Variants in PFKFB3 observed in about 807,000 individuals in gnomAD.
PFKFB3 encodes 6-phosphofructo-2-kinase/fructose-2,6-biphosphatase 3.
In PFKFB3, 33 loss-of-function variants were observed where a neutral mutation model predicts 68.0. The observed-to-expected ratio is 0.49, with a 90% CI of 0.37 to 0.65. The LOEUF (loss-of-function observed/expected upper bound fraction) is 0.65. Ranked by LOEUF, PFKFB3 falls within the 30% of genes least tolerant of loss-of-function variation. The pLI is 0.00. For missense variants in PFKFB3, 586 were observed against 712.2 expected, an observed-to-expected ratio of 0.82 and a Z score of 2.02; for synonymous variants, 315 against 288.2, an observed-to-expected ratio of 1.09 and a Z score of -0.94.
chr10:6,297,625 G>A, the PFKFB3 span, among the ~76,000 whole-genome samples: 1 of 152,336 alleles, frequency 6.6e-6, no homozygotes, highest in East Asian at 1.9e-4. Context: ...TGAGGGGTAC[G>A]TGGAGGACGT....
In PFKFB3 at chr10:6,220,200, C is replaced by T. The variant is rs550073457; in HGVS notation, c.624-458C>T. Among the ~76,000 whole-genome samples, 2 of 147,704 alleles carry T rather than the reference C, an allele frequency of 1.4e-5. No homozygotes were observed. Among genetic ancestry groups the T allele is most frequent in the South Asian group, 4.2e-4 (2 of 4,766 alleles). ...CACTGCAGGTTCAAACTTCTGGGCT[C>T]AAGTAATCCTACCGCCTCAGCCTCA... On this transcript the variant is annotated intron_variant, in intron 7 of 14. Transcript: ENST00000379775. This position sits in a 1 kb window ranked among gnomAD's most constrained non-coding sequence, Gnocchi z 4.1.
downstream of PFKFB3, among the ~76,000 whole-genome samples, chr10:6,240,485 G>A (rs1198056490): frequency 6.6e-6 from 1 of 151,970 alleles, no homozygotes; most frequent in Admixed American, 6.6e-5. Context: ...GGCTGATCTC[G>A]AACTCCAACC....
chr10:6,206,397 G>C (rs7921003), intron 1 of PFKFB3, among the ~76,000 whole-genome samples: 20,040 of 101,616 alleles, frequency 0.2, 2,634 homozygotes, highest in Non-Finnish European at 0.26. Flanking sequence ...ATCTTTCCCC[G>C]CCCCTTTCCC....
At chr10:6,161,849 G>A (rs1319710367) in intron 1 of PFKFB3, among the ~76,000 whole-genome samples, 4 of 152,050 alleles carry the variant, frequency 2.6e-5, no homozygotes, top group Admixed American at 2.0e-4. Context: ...TGTTGCCCAG[G>A]GTGGCCTTTA....
At chr10:6,286,676 C>G in the PFKFB3 span, among the ~76,000 whole-genome samples, 2 of 152,350 alleles carry the variant, frequency 1.3e-5, no homozygotes, top group South Asian at 2.1e-4. Context: ...CTGTGCCCAG[C>G]CAGTCTTTGC....
intron 1 of PFKFB3, among the ~76,000 whole-genome samples, chr10:6,150,382 G>A (rs1373367870): frequency 1.3e-5 from 2 of 152,106 alleles, no homozygotes; most frequent in African/African-American, 2.4e-5. Flanking sequence ...CACGTTGGAC[G>A]GCTGAGTAAG....
intron 1 of PFKFB3, among the ~76,000 whole-genome samples, chr10:6,174,537 G>C (rs770556910): frequency 2.0e-5 from 3 of 152,248 alleles, no homozygotes; most frequent in Non-Finnish European, 2.9e-5. Flanking sequence ...CCCCCGCCGA[G>C]AAAGCCAGGA....
the PFKFB3 span, among the ~76,000 whole-genome samples, chr10:6,324,567 C>T: frequency 3.1e-4 from 47 of 152,208 alleles, no homozygotes; most frequent in Non-Finnish European, 3.7e-4. Context: ...GCTGGGATTA[C>T]AGGCACCCGC....
chr10:6,305,413 T>TC, the PFKFB3 span, among the ~76,000 whole-genome samples: 4 of 152,010 alleles, frequency 2.6e-5, no homozygotes, highest in South Asian at 8.3e-4. Flanking sequence ...ACTCCTGAGC[T>TC]CAAGCTATCC....
At chr10:6,322,505 T>C in the PFKFB3 span, among the ~76,000 whole-genome samples, 1 of 152,164 alleles carries the variant, frequency 6.6e-6, no homozygotes, top group Non-Finnish European at 1.5e-5. Context: ...TCAATCACAT[T>C]ATCTCACTTC....
the PFKFB3 span, among the ~76,000 whole-genome samples, chr10:6,263,985 C>T: frequency 2.6e-5 from 4 of 152,244 alleles, no homozygotes; most frequent in Non-Finnish European, 5.9e-5. Flanking sequence ...TGTGTCCAGC[C>T]ACGGTTATCT....
At chr10:6,164,383 A>G (rs1038542190) in intron 1 of PFKFB3, among the ~76,000 whole-genome samples, 15 of 152,180 alleles carry the variant, frequency 9.9e-5, no homozygotes, top group African/African-American at 1.4e-4. Flanking sequence ...AGGGTCAGGA[A>G]ATAAGTCACA....
intron 1 of PFKFB3, among the ~76,000 whole-genome samples, chr10:6,206,536 GA>G (rs1843712719): frequency 8.2e-6 from 1 of 121,928 alleles, no homozygotes; most frequent in Non-Finnish European, 1.6e-5. Context: ...CGGCCGGGCA[GA>G]GGCGCCCCTC....
At chr10:6,261,008 G>C in the PFKFB3 span, among the ~76,000 whole-genome samples, 22 of 152,200 alleles carry the variant, frequency 1.4e-4, no homozygotes, top group Non-Finnish European at 1.5e-5. Flanking sequence ...CTTCCCACCT[G>C]TAGTGGACAG....
At chr10:6,216,441 ACACTGTCC>A (rs922497746) in intron 4 of PFKFB3, among the ~76,000 whole-genome samples, 102 of 152,306 alleles carry the variant, frequency 6.7e-4, no homozygotes, top group African/African-American at 2.4e-3. Flanking sequence ...CCTTCCTTGT[ACACTGTCC>A]CATTGCACAT....
intron 1 of PFKFB3, chr10:6,197,569 G>A (rs11592813): frequency 0.098 from 14,875 of 151,896 alleles, 1,421 homozygotes; most frequent in African/African-American, 0.24. Context: ...CAATAAATTA[G>A]GACATCTTAA....
At chr10:6,224,358 C>T in intron 13 of PFKFB3, 145 bp downstream of exon 13, 1 of 686,484 alleles carries the variant, frequency 1.5e-6, no homozygotes, top group South Asian at 1.7e-5. Flanking sequence ...TTCCTCAGCA[C>T]CTCTTTGTTC....
chr10:6,214,101 A>C (rs965935673), intron 2 of PFKFB3, among the ~76,000 whole-genome samples: 5 of 152,170 alleles, frequency 3.3e-5, no homozygotes, highest in Non-Finnish European at 5.9e-5. Flanking sequence ...CCTACCGTAG[A>C]TCAAGGGTCT....
chr10:6,306,863 C>T, the PFKFB3 span, among the ~76,000 whole-genome samples: 7 of 152,198 alleles, frequency 4.6e-5, no homozygotes, highest in Admixed American at 4.6e-4. Context: ...ACAACTTTCT[C>T]AGTTCATCAG....
Sources: allele counts gnomAD v4.1 joint callset (sites outside exome capture counted in the v4.1 genomes callset), GRCh38; gene constraint gnomAD v4.1.1; non-coding constraint Gnocchi (gnomAD v3.1); transcripts MANE v1.5; gene names NCBI Gene and HGNC (gene_info 2026-07-23, HGNC 2026-07-21).